Variants in DNER observed in about 807,000 individuals in gnomAD.
DNER encodes delta and Notch-like epidermal growth factor-related receptor.
DNER carries 33 observed loss-of-function variants against 78.2 expected under a neutral mutation model. The observed-to-expected ratio is 0.42, with a 90% CI of 0.32 to 0.56. The LOEUF (loss-of-function observed/expected upper bound fraction) is 0.56. Ranked by LOEUF, DNER falls within the 20% of genes least tolerant of loss-of-function variation. DNER has a pLI of 0.11. For missense variants in DNER, 918 were observed against 975.3 expected (o/e 0.94, Z 0.78); for synonymous variants, 417 against 384.8 (o/e 1.08, Z -0.98).
At chr2:229,702,723 C>A (rs1416488163) in intron 1 of DNER, among the ~76,000 whole-genome samples, 1 of 151,806 alleles carries the variant, frequency 6.6e-6, no homozygotes, top group Non-Finnish European at 1.5e-5. Context: ...CGAGACCACC[C>A]TGGCTAACAC....
chr2:229,400,741 A>G (rs968451687), intron 10 of DNER, among the ~76,000 whole-genome samples: 35 of 152,218 alleles, frequency 2.3e-4, no homozygotes, highest in African/African-American at 7.9e-4. Flanking sequence ...TTCATCCAGA[A>G]GAATTCCAAA....
chr2:229,616,389 A>G (rs1698163677), intron 1 of DNER, among the ~76,000 whole-genome samples: 1 of 151,980 alleles, frequency 6.6e-6, no homozygotes, highest in South Asian at 2.1e-4. Flanking sequence ...GGCCAACTCT[A>G]TGATCAACCC....
chr2:229,502,466 T>C (rs556930907), intron 6 of DNER, among the ~76,000 whole-genome samples: 18 of 152,230 alleles, frequency 1.2e-4, no homozygotes, highest in Non-Finnish European at 2.2e-4. Flanking sequence ...CCGATGGCTA[T>C]GGGGCAGATT....
intron 6 of DNER, among the ~76,000 whole-genome samples, chr2:229,496,183 T>C (rs186550880): frequency 7.3e-4 from 111 of 152,314 alleles, no homozygotes; most frequent in Middle Eastern, 3.4e-3. Context: ...CTTGCAGTAA[T>C]TGATGCGGAT....
intron 10 of DNER, among the ~76,000 whole-genome samples, chr2:229,398,108 A>G (rs1693189689): frequency 6.6e-6 from 1 of 152,164 alleles, no homozygotes; most frequent in African/African-American, 2.4e-5. Context: ...GATTAACAAA[A>G]TTGACAAAAC....
intron 8 of DNER, among the ~76,000 whole-genome samples, chr2:229,440,462 C>A (rs1694208033): frequency 6.6e-6 from 1 of 152,168 alleles, no homozygotes; most frequent in Non-Finnish European, 1.5e-5. Context: ...CTGCTGGCTC[C>A]TCTGCCCTCT....
At chr2:229,578,389 T>C (rs1286081376) in intron 4 of DNER, among the ~76,000 whole-genome samples, 2 of 152,208 alleles carry the variant, frequency 1.3e-5, no homozygotes, top group Non-Finnish European at 2.9e-5. Context: ...GGCCTTTTTA[T>C]CTCTGGATTC....
chr2:229,593,737 T>C (rs1360667767), intron 1 of DNER, among the ~76,000 whole-genome samples: 2 of 152,208 alleles, frequency 1.3e-5, no homozygotes, highest in Non-Finnish European at 2.9e-5. Flanking sequence ...GTGGAACGGG[T>C]GTCACCCCAA....
At chr2:229,572,222 G>C (rs1316523305) in intron 4 of DNER, among the ~76,000 whole-genome samples, 2 of 152,092 alleles carry the variant, frequency 1.3e-5, no homozygotes, top group Non-Finnish European at 2.9e-5. Flanking sequence ...CCAAGCTCAA[G>C]ATACACCTCG....
chr2:229,563,248 C>G (rs1256460379), intron 4 of DNER, among the ~76,000 whole-genome samples: 1 of 134,780 alleles, frequency 7.4e-6, no homozygotes, highest in Non-Finnish European at 1.6e-5. Flanking sequence ...CACCCCATCA[C>G]CATCATCATC....
At chr2:229,428,687 A>C (rs1432070387) in intron 8 of DNER, among the ~76,000 whole-genome samples, 1 of 150,710 alleles carries the variant, frequency 6.6e-6, no homozygotes, top group Non-Finnish European at 1.5e-5. Context: ...AAAAAAAATC[A>C]GTTCATTTTA....
chr2:229,582,680 C>T (rs972821545), intron 4 of DNER, among the ~76,000 whole-genome samples: 1 of 152,154 alleles, frequency 6.6e-6, no homozygotes, highest in Non-Finnish European at 1.5e-5. Context: ...CACTCTGCTG[C>T]CCAGGCTAGA....
chr2:229,609,516 T>A (rs1698005340), intron 1 of DNER, among the ~76,000 whole-genome samples: 1 of 152,230 alleles, frequency 6.6e-6, no homozygotes, highest in African/African-American at 2.4e-5. Context: ...TTACATATTA[T>A]CTGGCTGCCT....
chr2:229,432,201 T>C (rs1478316131), intron 8 of DNER, among the ~76,000 whole-genome samples: 1 of 152,204 alleles, frequency 6.6e-6, no homozygotes, highest in Non-Finnish European at 1.5e-5. Context: ...ATACCCTCAA[T>C]TGATTATCTA....
intron 4 of DNER, among the ~76,000 whole-genome samples, chr2:229,568,875 T>A (rs1434626202): frequency 1.3e-5 from 2 of 152,102 alleles, no homozygotes. Flanking sequence ...AGCCAACAGA[T>A]CATTCTTTTA....
rs577248013 is a variant in DNER, at chr2:229,531,373, G to A, written c.993+15574C>T. ...TTGGGGAAACTCATTTTTTTCCAAA[G>A]ACATAAAGCACCTATAATATTTTTT... On this transcript the variant is annotated intron_variant, in intron 5 of 12. Coordinates refer to ENST00000341772, the MANE Select transcript of DNER (RefSeq NM_139072.4). Among the ~76,000 whole-genome samples, 13 of 152,248 alleles carry A rather than the reference G, an allele frequency of 8.5e-5. No individual in the cohort carries two copies. In the South Asian group the frequency reaches 2.7e-3, roughly 32 times the overall value.
chr2:229,663,031 A>G, intron 1 of DNER, among the ~76,000 whole-genome samples: 1 of 152,168 alleles, frequency 6.6e-6, no homozygotes, highest in Non-Finnish European at 1.5e-5. Context: ...TCTAAGAAAA[A>G]CCACACTGGG....
At chr2:229,541,027 T>C (rs1208186804) in intron 5 of DNER, among the ~76,000 whole-genome samples, 1 of 152,256 alleles carries the variant, frequency 6.6e-6, no homozygotes, top group African/African-American at 2.4e-5. Flanking sequence ...GCATTTATCT[T>C]TATTACTAAC....
At chr2:229,550,653 G>A (rs987615880) in intron 4 of DNER, among the ~76,000 whole-genome samples, 10 of 152,122 alleles carry the variant, frequency 6.6e-5, no homozygotes, top group South Asian at 2.1e-4. Context: ...GTGTGTGACT[G>A]TAGTCCCAGC....
Sources: allele counts gnomAD v4.1 joint callset (sites outside exome capture counted in the v4.1 genomes callset), GRCh38; gene constraint gnomAD v4.1.1; transcripts MANE v1.5; gene names NCBI Gene and HGNC (gene_info 2026-07-23, HGNC 2026-07-21).